Variants in TNRC6B observed in about 807,000 individuals in gnomAD.
TNRC6B encodes the protein trinucleotide repeat-containing gene 6B protein.
Under a neutral mutation model 203.6 loss-of-function variants are expected in TNRC6B, and 52 were observed. That is an observed-to-expected ratio of 0.26 (90% CI 0.20 to 0.32). The LOEUF is 0.32. TNRC6B is among the 10% of genes least tolerant of loss of function. TNRC6B has a pLI of 1.00. For missense variants in TNRC6B, 1,923 were observed against 2,286.2 expected, an observed-to-expected ratio of 0.84 and a Z score of 3.24; for synonymous variants, 838 against 845.7, an observed-to-expected ratio of 0.99 and a Z score of 0.16.
At chr22:40,146,552 G>A (rs1382889483) in intron 3 of TNRC6B, among the ~76,000 whole-genome samples, 7 of 144,708 alleles carry the variant, frequency 4.8e-5, no homozygotes, top group African/African-American at 1.1e-4. Context: ...GTGCCACCAC[G>A]CCCGGCTAAT....
At chr22:40,163,420 A>G in intron 4 of TNRC6B, among the ~76,000 whole-genome samples, 1 of 137,296 alleles carries the variant, frequency 7.3e-6, no homozygotes, top group African/African-American at 2.7e-5. Context: ...AAAAAAAAAA[A>G]GTAATTTTAA....
intron 1 of TNRC6B, among the ~76,000 whole-genome samples, chr22:40,220,759 G>A (rs1022977958): frequency 2.0e-4 from 30 of 152,228 alleles, no homozygotes; most frequent in African/African-American, 7.2e-4. Context: ...ATTGGCAGGC[G>A]CTTGCTTTCT....
chr22:40,317,572 A>G (rs973529021), intron 21 of TNRC6B, among the ~76,000 whole-genome samples: 4 of 152,144 alleles, frequency 2.6e-5, no homozygotes, highest in African/African-American at 9.7e-5. Context: ...GCGAGACTCC[A>G]TCTGAAAAAA....
intron 1 of TNRC6B, among the ~76,000 whole-genome samples, chr22:40,088,585 TGTGTG>T (rs2068120972): frequency 1.4e-4 from 1 of 7,320 alleles, no homozygotes; most frequent in South Asian, 5.4e-3. Flanking sequence ...CGGCTACTTT[TGTGTG>T]TGTGTGTGTG....
chr22:40,229,347 G>A (rs929130779), intron 1 of TNRC6B, among the ~76,000 whole-genome samples: 12 of 152,148 alleles, frequency 7.9e-5, no homozygotes, highest in South Asian at 4.1e-4. Flanking sequence ...CACACCCAGG[G>A]TGAAATTTCA....
At position 40,181,261 on chromosome 22, in the gene TNRC6B, G is replaced by A. The variant is rs113663733; in HGVS notation, c.5+3121G>A. On this transcript the variant is annotated intron_variant, in intron 1 of 22. Coordinates refer to ENST00000454349, the MANE Select transcript of TNRC6B (RefSeq NM_001162501.2). Reference sequence around the variant, plus strand: ...ACAAGAGACACTAGAAGAGTGTTATGCGATGATGAGACCTTCAGGTTCTGC... The same window carrying A: ...ACAAGAGACACTAGAAGAGTGTTATACGATGATGAGACCTTCAGGTTCTGC... 3.3e-4 allele frequency among the ~76,000 whole-genome samples: 50 copies of A among 152,266 alleles called. 2 individuals are homozygous for A. Among genetic ancestry groups the A allele is most frequent in the African/African-American group, 1.2e-3 (49 of 41,566 alleles).
intron 12 of TNRC6B, among the ~76,000 whole-genome samples, chr22:40,291,600 C>T (rs1327552863): frequency 6.6e-6 from 1 of 152,168 alleles, no homozygotes; most frequent in Non-Finnish European, 1.5e-5. Context: ...TCTGCTGTTG[C>T]TATGTAGCAT....
chr22:40,254,992 A>G (rs976236000), intron 3 of TNRC6B, among the ~76,000 whole-genome samples: 2 of 152,232 alleles, frequency 1.3e-5, no homozygotes, highest in African/African-American at 4.8e-5. Flanking sequence ...AGCAACCTCC[A>G]TGGACCTTGT....
chr22:40,184,657 A>T (rs1376097216), intron 1 of TNRC6B, among the ~76,000 whole-genome samples: 1 of 152,208 alleles, frequency 6.6e-6, no homozygotes, highest in Non-Finnish European at 1.5e-5. Context: ...TAGTAATCTC[A>T]GGTCATAGTG....
chr22:40,256,670 G>C (rs1261520536), intron 3 of TNRC6B, among the ~76,000 whole-genome samples: 1 of 152,198 alleles, frequency 6.6e-6, no homozygotes, highest in African/African-American at 2.4e-5. Context: ...GAGTTGTTGT[G>C]ATGAAGACCA....
chr22:40,264,530 A>G (rs995952661), intron 4 of TNRC6B, among the ~76,000 whole-genome samples, 158 bp from the exon 5 acceptor site: 2 of 152,180 alleles, frequency 1.3e-5, no homozygotes, highest in African/African-American at 4.8e-5. Context: ...GAAAAAAAAG[A>G]GATGACTAAG....
At position 40,266,224 on chromosome 22, in the gene TNRC6B, G is replaced by T. The variant is rs1042422595; in HGVS notation, c.1994G>T (p.Gly665Val). Residue 665 changes from glycine to valine, a missense_variant, in exon 5 of 23, where the codon GGC becomes GTC. Gly to Val is a moderately radical substitution (Grantham distance 109). Around this residue, in one of 8 missense-constraint regions of TNRC6B, gnomAD observed 599 missense variants for 656.5 expected, o/e 0.91. Transcript: ENST00000454349. ...GCCACACAGACCAAGAACTCAGGGG[G>T]CTGGGGAGATGCACCCAGCCAAAGC... ...SAATQTKNSG[G>V]WGDAPSQSNQ... 2 of 1,607,284 alleles carry T rather than the reference G, an allele frequency of 1.2e-6. No homozygotes were observed. Among genetic ancestry groups the T allele is most frequent in the Middle Eastern group, 1.7e-4 (1 of 6,056 alleles).
intron 11 of TNRC6B, among the ~76,000 whole-genome samples, chr22:40,281,495 AT>A (rs60622890): frequency 0.011 from 1,666 of 148,150 alleles, 21 homozygotes; most frequent in African/African-American, 0.026. Context: ...TTAAACCTGT[AT>A]TTTTTTTTTT....
intron 3 of TNRC6B, among the ~76,000 whole-genome samples, chr22:40,134,566 G>A (rs1461293307): frequency 2.0e-5 from 3 of 152,250 alleles, no homozygotes; most frequent in East Asian, 1.9e-4. Flanking sequence ...TTAATGTATC[G>A]GGTTGGGGGG....
chr22:40,270,480 C>T (rs548334416), intron 6 of TNRC6B, among the ~76,000 whole-genome samples, 200 bp downstream of exon 6: 14 of 152,024 alleles, frequency 9.2e-5, no homozygotes, highest in South Asian at 4.2e-4. Flanking sequence ...CCACCACGCC[C>T]GGCTAATTTT....
intron 9 of TNRC6B, 103 bp from the exon 10 acceptor site, chr22:40,279,892 C>T (rs1325729434): frequency 1.1e-5 from 11 of 979,056 alleles, no homozygotes; most frequent in Non-Finnish European, 1.6e-5. Context: ...ATATTAATAG[C>T]TTATACCCAG....
At chr22:40,260,651 A>T (rs1873090288) in intron 3 of TNRC6B, among the ~76,000 whole-genome samples, 1 of 152,154 alleles carries the variant, frequency 6.6e-6, no homozygotes, top group African/African-American at 2.4e-5. Context: ...AAGAATGTGG[A>T]TGAAGGGAAG....
chr22:40,292,342 G>A (rs2056973157), intron 12 of TNRC6B, among the ~76,000 whole-genome samples: 1 of 137,894 alleles, frequency 7.3e-6, no homozygotes, highest in Non-Finnish European at 1.6e-5. Flanking sequence ...GACAGAGTGA[G>A]ACTCCATCTC....
intron 1 of TNRC6B, 27 bp from the exon 2 acceptor site, chr22:40,245,988 C>T: frequency 6.6e-7 from 1 of 1,519,036 alleles, no homozygotes. Flanking sequence ...AGATGTATAA[C>T]CTTCTGTTAT....
Sources: allele counts gnomAD v4.1 joint callset (sites outside exome capture counted in the v4.1 genomes callset), GRCh38; gene constraint gnomAD v4.1.1; regional missense constraint gnomAD v4.1.1; transcripts MANE v1.5; gene names NCBI Gene and HGNC (gene_info 2026-07-23, HGNC 2026-07-21).